The following MBTPS1 variants were observed in gnomAD, a reference collection of about 807,000 sequenced individuals.
MBTPS1 encodes membrane bound transcription factor peptidase, site 1.
Under a neutral mutation model 127.8 loss-of-function variants are expected in MBTPS1, and 94 were observed. The observed-to-expected ratio is 0.74, with a 90% CI of 0.62 to 0.87. The LOEUF (loss-of-function observed/expected upper bound fraction) is 0.87, where lower values mean the gene tolerates loss of function less well. Ranked by LOEUF, MBTPS1 falls within the 40% of genes least tolerant of loss-of-function variation. The probability of loss-of-function intolerance (pLI) is 0.00; values close to 1 mark genes in which losing one functional copy is unlikely to be tolerated. For synonymous variants in MBTPS1, 632 were observed against 509.4 expected (o/e 1.24, Z -3.24); for missense variants, 1,636 against 1,353.2 (o/e 1.21, Z -3.28).
intron 13 of MBTPS1, among the ~76,000 whole-genome samples, chr16:84,070,284 C>A (rs1234004381): frequency 6.6e-6 from 1 of 152,160 alleles, no homozygotes. Flanking sequence ...TAGGATTAAC[C>A]CTACATTTCC....
chr16:84,074,920 C>T, intron 11 of MBTPS1, 179 bp from the exon 12 acceptor site: 1 of 506,940 alleles, frequency 2.0e-6, no homozygotes, highest in Non-Finnish European at 3.5e-6. Context: ...GATAAGGCCT[C>T]TGTGCCAGCC....
chr16:84,055,636 T>C (rs1157196144), intron 22 of MBTPS1, among the ~76,000 whole-genome samples: 1 of 152,042 alleles, frequency 6.6e-6, no homozygotes, highest in Non-Finnish European at 1.5e-5. Context: ...GCTGCTGCCA[T>C]TGGCTGGGAC....
intron 1 of MBTPS1, among the ~76,000 whole-genome samples, chr16:84,115,640 CAT>C: frequency 6.6e-6 from 1 of 152,282 alleles, no homozygotes; most frequent in Admixed American, 6.5e-5. Flanking sequence ...GGCCGCATAT[CAT>C]ATGTTTCCAT....
chr16:84,074,568 T>G, intron 12 of MBTPS1, 29 bp downstream of exon 12: 1 of 1,608,508 alleles, frequency 6.2e-7, no homozygotes, highest in Non-Finnish European at 8.5e-7. Flanking sequence ...CACCATCAAG[T>G]CAGAGACCAA....
chr16:84,112,849 C>T (rs1178807328), intron 1 of MBTPS1, among the ~76,000 whole-genome samples: 1 of 150,974 alleles, frequency 6.6e-6, no homozygotes, highest in African/African-American at 2.4e-5. Context: ...GTGGCACACA[C>T]CTGTAATCCC....
At chr16:84,098,215 C>G (rs1407394414) in intron 3 of MBTPS1, among the ~76,000 whole-genome samples, 1 of 152,226 alleles carries the variant, frequency 6.6e-6, no homozygotes, top group Non-Finnish European at 1.5e-5. Context: ...ACCTGCACAG[C>G]TGATGACTTC....
At chr16:84,081,224 G>A (rs1353048932) in intron 11 of MBTPS1, among the ~76,000 whole-genome samples, 2 of 152,228 alleles carry the variant, frequency 1.3e-5, no homozygotes, top group Non-Finnish European at 2.9e-5. Flanking sequence ...AAACTTTGCT[G>A]TAAATCTAAA....
At position 84,055,966 on chromosome 16, in the gene MBTPS1, G is replaced by A. The variant is rs751034901; in HGVS notation, c.2962+39C>T. ...GGGAGACTCCTTTGAACAAAATACA[G>A]GATGACTGAGCACAATCACAAAGCA... On this transcript the variant is annotated intron_variant, in intron 22 of 22. Transcript: ENST00000343411. 8.8e-6 allele frequency: 14 copies of A among 1,595,838 alleles called. No individual in the cohort carries two copies. In the South Asian group the frequency reaches 1.2e-4, roughly 14 times the overall value.
Position 84,093,803 on chromosome 16 carries a change from G to C in MBTPS1, c.644C>G (p.Ala215Gly). 1 of 1,611,968 alleles carries C rather than the reference G, an allele frequency of 6.2e-7. No individual in the cohort carries two copies. Reference sequence around the variant, plus strand: ...CTCGCTCAGCCCAGTGTCAAAAACAGCAACTCTTACATTAGCACCTTATTC... The same window carrying C: ...CTCGCTCAGCCCAGTGTCAAAAACACCAACTCTTACATTAGCACCTTATTC... ...MGYTGANVRV[A>G]VFDTGLSEKH... The change falls in exon 5 of 23, where the codon GCT becomes GGT. Residue 215 changes from alanine (A) to glycine (G), a missense_variant. Transcript: ENST00000343411.
In MBTPS1 at chr16:84,081,825, T is replaced by C. The variant is rs1387453688; in HGVS notation, c.1370A>G (p.Asn457Ser). 1.3e-6 allele frequency: 2 copies of C among 1,532,966 alleles called. No homozygotes were observed. The highest frequency in any genetic ancestry group is 1.4e-5 in the African/African-American group (1 of 71,104). The allele number at this position is 1,532,966 out of a possible 1,614,324, so 95.0% of individuals were successfully genotyped here. ...IASARRLPGV[N>S]MFEQGHGKLD... ...CTTGCCGTGGCCTTGCTCAAACATGTTGACCCCGGGGAGCCTCCGGGCTGA... is the reference window on the plus strand; with the variant it reads ...CTTGCCGTGGCCTTGCTCAAACATGCTGACCCCGGGGAGCCTCCGGGCTGA... Residue 457 changes from asparagine to serine, a missense_variant, in exon 11 of 23, where the codon AAC becomes AGC. Asn to Ser is a conservative substitution (Grantham distance 46, BLOSUM62 1). Transcript: ENST00000343411.
chr16:84,091,855 A>G lies in MBTPS1; in HGVS notation c.847-7T>C. The G allele has an allele frequency of 6.9e-7, 1 of 1,459,312 alleles. No homozygotes were observed. The highest frequency in any genetic ancestry group is 1.1e-5 in the South Asian group (1 of 87,966). The allele number at this position is 1,459,312 out of a possible 1,614,324, so 90.4% of individuals were successfully genotyped here. A position where few individuals can be genotyped will look rare whatever the true frequency, so the allele number is the denominator to read the frequency against. On this transcript the variant is annotated splice_region_variant and splice_polypyrimidine_tract_variant and intron_variant, in intron 6 of 22. Coordinates refer to ENST00000343411, the MANE Select transcript of MBTPS1 (RefSeq NM_003791.4). ...ACCAAGATGTGTAAGATACCTAGTT[A>G]AATATTATAACAGTCTGCTTAGTGT... is the stretch of plus-strand genomic sequence containing the variant.
At chr16:84,072,999 T>C (rs374989432) in intron 12 of MBTPS1, among the ~76,000 whole-genome samples, 67 of 152,296 alleles carry the variant, frequency 4.4e-4, no homozygotes, top group African/African-American at 1.0e-3. Context: ...GAAAACCATA[T>C]ATGCAATAAT....
rs1473888155 is a variant in MBTPS1 at position 84,056,067 on chromosome 16, G to A, written c.2900C>T (p.Ser967Leu). The A allele has an allele frequency of 7.4e-6, 12 of 1,614,014 alleles. No individual in the cohort carries two copies. Among genetic ancestry groups the A allele is most frequent in the East Asian group, 2.2e-5 (1 of 44,896 alleles). Reference sequence around the variant, plus strand: ...CAAGGGCCTCACTTGAGGGCGATTCGATCGAAAGTTGGGTAACACCACCTT... The same window carrying A: ...CAAGGGCCTCACTTGAGGGCGATTCAATCGAAAGTTGGGTAACACCACCTT... ...LDKVVLPNFR[S>L]NRPQVRPLSP... Residue 967 changes from serine to leucine, a missense_variant, in exon 22 of 23, where the codon TCG becomes TTG. Transcript: ENST00000343411.
chr16:84,063,362 C>T lies in MBTPS1; in HGVS notation c.2515G>A (p.Gly839Ser), dbSNP rs563500548. 1.4e-5 allele frequency: 22 copies of T among 1,614,164 alleles called. No homozygotes were observed. The South Asian group carries it at 1.5e-4, about 11-fold the overall frequency. ...GLYQIPAEGG[G>S]RIVLYGDSNC... Reference sequence around the variant, plus strand: ...GAGTCCCCATACAGTACAATCCGGCCTCCACCCTCAGCTGGAATCTGATAA... The same window carrying T: ...GAGTCCCCATACAGTACAATCCGGCTTCCACCCTCAGCTGGAATCTGATAA... The change falls in exon 19 of 23, where the codon GGC becomes AGC. Residue 839 changes from glycine (G) to serine (S), a missense_variant. Transcript: ENST00000343411.
rs2151141562 is a variant in MBTPS1 at position 84,060,971 on chromosome 16, C to T, written c.2573-158G>A. 3 of 622,108 alleles carry T rather than the reference C, an allele frequency of 4.8e-6. No individual in the cohort carries two copies. In the South Asian group the frequency reaches 6.4e-5, roughly 13 times the overall value. 38.5% of individuals were successfully genotyped at this position (622,108 alleles called of 1,614,324 possible). On this transcript the variant is annotated intron_variant, in intron 19 of 22. Transcript: ENST00000343411. ...GCCTCAGCCTCCCAAGTAGCTGAGA[C>T]TGAAGGCACATGACAGCATGCCCGG...
intron 11 of MBTPS1, chr16:84,081,500 CA>C: frequency 9.7e-6 from 3 of 309,212 alleles, no homozygotes; most frequent in East Asian, 5.2e-5. Context: ...ACAACAAAAG[CA>C]AAAAAACCAC....
chr16:84,094,152 G>C (rs1396378703), intron 4 of MBTPS1, among the ~76,000 whole-genome samples: 1 of 151,998 alleles, frequency 6.6e-6, no homozygotes. Context: ...CAAGGCTCCA[G>C]GCTGGCACCT....
At chr16:84,114,964 T>C (rs1346694962) in intron 1 of MBTPS1, among the ~76,000 whole-genome samples, 1 of 151,974 alleles carries the variant, frequency 6.6e-6, no homozygotes, top group Non-Finnish European at 1.5e-5. Flanking sequence ...AGTCTCACTC[T>C]GTCGCCCAGG....
intron 1 of MBTPS1, among the ~76,000 whole-genome samples, chr16:84,111,156 C>T (rs774795103): frequency 1.3e-5 from 2 of 152,162 alleles, no homozygotes; most frequent in Non-Finnish European, 2.9e-5. Context: ...ACAGTATCCT[C>T]GGTGATCCAG....
Sources: gnomAD v4.1 joint callset for allele counts (sites outside exome capture counted in the v4.1 genomes callset) on GRCh38, gnomAD v4.1.1 for gene constraint, MANE v1.5 for transcripts, NCBI Gene and HGNC (gene_info 2026-07-23, HGNC 2026-07-21) for gene names.